The following RGS7 variants were observed in gnomAD, a reference collection of about 807,000 sequenced individuals.
RGS7 encodes the protein regulator of G-protein signaling 7.
RGS7 carries 27 observed loss-of-function variants against 81.1 expected under a neutral mutation model. That is an observed-to-expected ratio of 0.33 (90% CI 0.25 to 0.46). The LOEUF (loss-of-function observed/expected upper bound fraction) is 0.46, where lower values mean the gene tolerates loss of function less well. RGS7 is among the 20% of genes least tolerant of loss of function. The pLI is 1.00. For missense variants in RGS7, 396 were observed against 607.4 expected (o/e 0.65, Z 3.66); for synonymous variants, 208 against 207.7 (o/e 1.00, Z -0.01).
At chr1:241,169,623 G>T (rs776742170) in intron 2 of RGS7, among the ~76,000 whole-genome samples, 1 of 151,978 alleles carries the variant, frequency 6.6e-6, no homozygotes, top group African/African-American at 2.4e-5. Context: ...GATTACAGGC[G>T]TGAACCACCC....
At chr1:240,866,691 C>T (rs1476588293) in intron 9 of RGS7, among the ~76,000 whole-genome samples, 1 of 152,010 alleles carries the variant, frequency 6.6e-6, no homozygotes, top group Non-Finnish European at 1.5e-5. Flanking sequence ...AGACTAGCGC[C>T]CGACTTGCAC....
At chr1:241,044,112 G>GTT (rs11355364) in intron 3 of RGS7, among the ~76,000 whole-genome samples, 30 of 121,100 alleles carry the variant, frequency 2.5e-4, no homozygotes, top group East Asian at 4.5e-4. Flanking sequence ...TGTTTTTTTT[G>GTT]TTTTTTTTTT....
intron 3 of RGS7, 71 bp downstream of exon 3, chr1:241,098,595 G>T: frequency 2.0e-6 from 2 of 994,876 alleles, no homozygotes; most frequent in South Asian, 2.6e-5. Flanking sequence ...ATAGTGAACA[G>T]CTGGAATCAG....
intron 2 of RGS7, among the ~76,000 whole-genome samples, chr1:241,266,697 A>G (rs1024361406): frequency 7.9e-5 from 12 of 152,214 alleles, no homozygotes; most frequent in Admixed American, 5.9e-4. Flanking sequence ...TAAGATCCAT[A>G]TTTGAAATAT....
chr1:240,852,357 T>C (rs1660263751), intron 9 of RGS7, among the ~76,000 whole-genome samples: 1 of 152,256 alleles, frequency 6.6e-6, no homozygotes, highest in South Asian at 2.1e-4. Context: ...CATAATGCTA[T>C]TGCACACTTA....
chr1:240,978,152 A>G (rs1398368808), intron 4 of RGS7, among the ~76,000 whole-genome samples: 1 of 152,202 alleles, frequency 6.6e-6, no homozygotes, highest in African/African-American at 2.4e-5. Flanking sequence ...ATATACATAC[A>G]TTAAGTAATC....
intron 2 of RGS7, among the ~76,000 whole-genome samples, chr1:241,268,613 C>T (rs956364090): frequency 1.3e-5 from 2 of 151,936 alleles, no homozygotes; most frequent in East Asian, 1.9e-4. Context: ...CTAGGAGATA[C>T]GAGAGGGAAA....
rs56232293 is a variant in RGS7, at chr1:240,932,513, C to CTTTT, written c.334-1749_334-1746dup. ...AACTTTGCTTTCATGTAGGGTGTCA[C>CTTTT]TTTTTTTTTTTTTGAGACAGGGTCT... is the stretch of plus-strand genomic sequence containing the variant. On this transcript the variant is annotated intron_variant, in intron 5 of 18. Transcript: ENST00000440928. Among the ~76,000 whole-genome samples, 12 of 126,898 alleles carry CTTTT rather than the reference C, an allele frequency of 9.5e-5. 2 individuals carry two copies. Among genetic ancestry groups the CTTTT allele is most frequent in the Non-Finnish European group, 1.6e-4 (10 of 62,814 alleles). 83.3% of individuals were successfully genotyped at this position (126,898 alleles called of 152,430 possible).
At chr1:240,848,030 A>T (rs1558347067) in intron 9 of RGS7, among the ~76,000 whole-genome samples, 1 of 152,310 alleles carries the variant, frequency 6.6e-6, no homozygotes, top group East Asian at 1.9e-4. Flanking sequence ...AAACAAATAC[A>T]CTAAAATAGG....
At chr1:241,119,354 C>T (rs1029482469) in intron 2 of RGS7, among the ~76,000 whole-genome samples, 1 of 152,132 alleles carries the variant, frequency 6.6e-6, no homozygotes, top group African/African-American at 2.4e-5. Context: ...CATCCTTGCA[C>T]AGAAAATGCT....
intron 3 of RGS7, among the ~76,000 whole-genome samples, chr1:241,073,344 A>T (rs1047557066): frequency 2.6e-5 from 4 of 152,176 alleles, no homozygotes; most frequent in African/African-American, 9.6e-5. Context: ...AATTCCCAGC[A>T]CAGGTGGGTG....
At chr1:240,885,818 T>C (rs1415696602) in intron 6 of RGS7, among the ~76,000 whole-genome samples, 2 of 152,100 alleles carry the variant, frequency 1.3e-5, no homozygotes, top group East Asian at 3.9e-4. Flanking sequence ...AATACCTGGG[T>C]AATGAAATAA....
In RGS7 at chr1:240,941,836, T is replaced by C. The variant is rs371937832; in HGVS notation, c.227-5130A>G. 1.6e-4 allele frequency among the ~76,000 whole-genome samples: 24 copies of C among 151,304 alleles called. No homozygotes were observed. The South Asian group carries it at 2.5e-3, about 16-fold the overall frequency. On this transcript the variant is annotated intron_variant, in intron 4 of 18. Transcript: ENST00000440928. ...GGAACAAAGTGTTGAAAGAGTTTACTGAGTAATCTGTCAAGATCACTCTCC... is the reference window on the plus strand; with the variant it reads ...GGAACAAAGTGTTGAAAGAGTTTACCGAGTAATCTGTCAAGATCACTCTCC...
chr1:240,793,611 A>ATATATATATATATT, intron 18 of RGS7, among the ~76,000 whole-genome samples: 41 of 78,796 alleles, frequency 5.2e-4, no homozygotes, highest in African/African-American at 3.5e-3. Context: ...ATATATATAT[A>ATATATATATATATT]TTTTTTTTTT....
chr1:241,010,958 G>GT (rs1408219812), intron 3 of RGS7, among the ~76,000 whole-genome samples: 1 of 152,052 alleles, frequency 6.6e-6, no homozygotes, highest in Admixed American at 6.6e-5. Flanking sequence ...TAATGAGATG[G>GT]TTTTCATAAA....
intron 2 of RGS7, among the ~76,000 whole-genome samples, chr1:241,274,127 T>C (rs1236748492): frequency 6.6e-6 from 1 of 152,232 alleles, no homozygotes. Context: ...TACAATGCTG[T>C]AGAGTGTCTG....
chr1:241,078,185 T>C (rs2062918332), intron 3 of RGS7, among the ~76,000 whole-genome samples: 2 of 148,760 alleles, frequency 1.3e-5, no homozygotes, highest in Admixed American at 6.8e-5. Flanking sequence ...ATAAATAATA[T>C]ATATGTTGTT....
At position 241,150,814 on chromosome 1, in the gene RGS7, A is replaced by G. The variant is rs77714151; in HGVS notation, c.79-52052T>C. Among the ~76,000 whole-genome samples, 1,367 of 152,318 alleles carry G rather than the reference A, an allele frequency of 9.0e-3. 28 individuals are homozygous for G. Among genetic ancestry groups the G allele is most frequent in the East Asian group, 0.059 (307 of 5,178 alleles). ...TGCAAACTGGAGAACCAGAGAAGCC[A>G]GGAGAGTGGCTCAGTCCAAGTCCGA... On this transcript the variant is annotated intron_variant, in intron 2 of 18. Transcript: ENST00000440928.
intron 6 of RGS7, among the ~76,000 whole-genome samples, chr1:240,907,189 G>A (rs539365477): frequency 6.6e-6 from 1 of 152,152 alleles, no homozygotes; most frequent in South Asian, 2.1e-4. Context: ...GACATCCTGG[G>A]GCAATGGAGA....
Sources: allele counts gnomAD v4.1 joint callset (sites outside exome capture counted in the v4.1 genomes callset), GRCh38; gene constraint gnomAD v4.1.1; transcripts MANE v1.5; gene names NCBI Gene and HGNC (gene_info 2026-07-23, HGNC 2026-07-21).